Variants in CAND2 observed in about 807,000 individuals in gnomAD.
CAND2 encodes cullin associated and neddylation dissociated 2 (putative), also known as cullin-associated NEDD8-dissociated protein 2.
In CAND2, 62 loss-of-function variants were observed where a neutral mutation model predicts 98.9. The observed-to-expected ratio is 0.63, with a 90% CI of 0.51 to 0.77. The LOEUF is 0.77. CAND2 is among the 30% of genes least tolerant of loss of function. The pLI is 0.00. For missense variants in CAND2, 1,501 were observed against 1,655.2 expected (o/e 0.91, Z 1.62); for synonymous variants, 770 against 731.9 (o/e 1.05, Z -0.84).
rs749304857 is a variant in CAND2, at chr3:12,810,299, C to T, written c.732C>T (p.Val244=). The T allele has an allele frequency of 7.5e-6, 11 of 1,464,144 alleles. No homozygotes were observed. The South Asian group carries it at 1.2e-4, about 16-fold the overall frequency. 90.7% of individuals were successfully genotyped at this position (1,464,144 alleles called of 1,614,324 possible). A position where few individuals can be genotyped will look rare whatever the true frequency, so the allele number is the denominator to read the frequency against. Residue 244 remains valine (V), a synonymous_variant, in exon 5 of 15, where the codon GTC becomes GTT. Transcript: ENST00000456430. ...IRTLIQCLGS[V]GRQAGHRLGA... ...CCCTGATCCAATGTTTGGGCAGCGT[C>T]GGCCGCCAGGCCGGCCACCGCCTCG...
intron 11 of CAND2, among the ~76,000 whole-genome samples, chr3:12,822,527 A>G (rs1427192694): frequency 6.6e-6 from 1 of 152,032 alleles, no homozygotes; most frequent in Non-Finnish European, 1.5e-5. Context: ...TCGAACTCCT[A>G]GGCTTAAGTG....
intron 1 of CAND2, among the ~76,000 whole-genome samples, chr3:12,800,388 G>T (rs956756426): frequency 6.6e-6 from 1 of 152,228 alleles, no homozygotes; most frequent in South Asian, 2.1e-4. Flanking sequence ...GGAGGCGGGG[G>T]TCAGGGCTCT....
intron 1 of CAND2, among the ~76,000 whole-genome samples, chr3:12,801,607 C>G (rs371682757): frequency 6.6e-6 from 1 of 152,320 alleles, no homozygotes; most frequent in African/African-American, 2.4e-5. Flanking sequence ...CTTTTGGTGT[C>G]AGGCCCCATG....
rs1394293898 is a variant in CAND2 at position 12,803,483 on chromosome 3, T to C, written c.69-5T>C. 13 of 1,602,418 alleles carry C rather than the reference T, an allele frequency of 8.1e-6. No individual in the cohort carries two copies. The highest frequency in any genetic ancestry group is 1.3e-5 in the African/African-American group (1 of 74,794). ...TCAGCAATCTCCTCCACCCTCCCTG[T>C]GCAGGTTCATGGCCACCAGCGACCT... On this transcript the variant is annotated splice_polypyrimidine_tract_variant and splice_region_variant and intron_variant, in intron 1 of 14. Coordinates refer to ENST00000456430, the MANE Select transcript of CAND2 (RefSeq NM_001162499.2).
At chr3:12,820,974 C>T (rs1225248345) in intron 11 of CAND2, among the ~76,000 whole-genome samples, 1 of 152,208 alleles carries the variant, frequency 6.6e-6, no homozygotes, top group Non-Finnish European at 1.5e-5. Context: ...TGGCTCTCGC[C>T]TGTAATCCCA....
rs762234384 is a variant in CAND2, at chr3:12,833,999, G to A, written c.*17G>A. On this transcript the variant is annotated 3_prime_UTR_variant, in exon 15 of 15. Coordinates refer to ENST00000456430, the MANE Select transcript of CAND2 (RefSeq NM_001162499.2). ...CTCAGCTAGTCCCCTCAGCACCAAG[G>A]TGGGCCCTCGCTTAAGAGAAAGGAG... 1.2e-6 allele frequency: 2 copies of A among 1,606,354 alleles called. No homozygotes were observed. The highest frequency in any genetic ancestry group is 4.5e-5 in the East Asian group (2 of 44,832).
chr3:12,814,404 G>T (rs77142072), intron 7 of CAND2, among the ~76,000 whole-genome samples: 1 of 152,158 alleles, frequency 6.6e-6, no homozygotes, highest in African/African-American at 2.4e-5. Flanking sequence ...AGTCTCACCC[G>T]CTCTGAGTCT....
At chr3:12,805,396 C>T (rs1458027888) in intron 2 of CAND2, among the ~76,000 whole-genome samples, 1 of 151,830 alleles carries the variant, frequency 6.6e-6, no homozygotes. Flanking sequence ...CAAGCGATTC[C>T]CATGTCTCAG....
intron 11 of CAND2, among the ~76,000 whole-genome samples, chr3:12,821,893 T>A (rs1350544011): frequency 2.0e-5 from 3 of 152,226 alleles, no homozygotes. Context: ...GATACCGCCA[T>A]GGTTTCTCTC....
intron 14 of CAND2, among the ~76,000 whole-genome samples, chr3:12,833,142 A>G (rs1197192144): frequency 6.6e-6 from 1 of 152,236 alleles, no homozygotes; most frequent in Non-Finnish European, 1.5e-5. Flanking sequence ...CTTTAGGAAG[A>G]GCCCAGCATA....
chr3:12,818,505 C>T (rs993188416), intron 10 of CAND2, among the ~76,000 whole-genome samples: 11 of 152,162 alleles, frequency 7.2e-5, no homozygotes, highest in South Asian at 4.1e-4. Flanking sequence ...GAGGGGCAGG[C>T]GTTTTGGCTT....
At chr3:12,828,440 C>T (rs866695944) in intron 13 of CAND2, among the ~76,000 whole-genome samples, 11 of 149,436 alleles carry the variant, frequency 7.4e-5, no homozygotes, top group African/African-American at 9.9e-5. Flanking sequence ...CAGGTTCAAG[C>T]GATTCTCCTG....
Position 12,810,223 on chromosome 3 carries a change from T to TGGACCGTA in CAND2, c.662_663insTAGGACCG (p.Leu222ArgfsTer19). The TGGACCGTA allele has an allele frequency of 6.5e-7, 1 of 1,539,594 alleles. No individual in the cohort carries two copies. Among genetic ancestry groups the TGGACCGTA allele is most frequent in the South Asian group, 1.2e-5 (1 of 83,102 alleles). On this transcript the variant is annotated frameshift_variant, in exon 5 of 15. Transcript: ENST00000456430. LOFTEE classifies it high-confidence loss of function. ...TTCGTCGAGCTCGCTGACCACCTAC[T>TGGACCGTA]GGACCGGCTGCCCGGCCCGCGGGTG...
At position 12,796,754 on chromosome 3, in the gene CAND2, C is replaced by CT. The variant is rs1344731702; in HGVS notation, c.35dup (p.Glu13GlyfsTer51). On this transcript the variant is annotated frameshift_variant, in exon 1 of 15. Coordinates refer to ENST00000456430, the MANE Select transcript of CAND2 (RefSeq NM_001162499.2). LOFTEE classifies it high-confidence loss of function. Reference sequence around the variant, plus strand: ...CGCCGCCTTCCACATCTCCAGCCTCCTGGAGAAGATGACGTCCAGCGACAA... The same window carrying CT: ...CGCCGCCTTCCACATCTCCAGCCTCCTTGGAGAAGATGACGTCCAGCGACAA... The CT allele has an allele frequency of 2.5e-6, 4 of 1,590,498 alleles. No homozygotes were observed. The highest frequency in any genetic ancestry group is 1.3e-5 in the African/African-American group (1 of 74,600).
rs1260910066 is a variant in CAND2, at chr3:12,813,102, A to G, written c.863+7A>G. Reference sequence around the variant, plus strand: ...TTGAGGCCTTCTTGAGGAAGTATGTATGGTGGGGTTGCCTGGGGATCCCTT... The same window carrying G: ...TTGAGGCCTTCTTGAGGAAGTATGTGTGGTGGGGTTGCCTGGGGATCCCTT... On this transcript the variant is annotated splice_region_variant and intron_variant, in intron 6 of 14. Coordinates refer to ENST00000456430, the MANE Select transcript of CAND2 (RefSeq NM_001162499.2). 20 of 1,572,778 alleles carry G rather than the reference A, an allele frequency of 1.3e-5. No individual in the cohort carries two copies. Among genetic ancestry groups the G allele is most frequent in the Middle Eastern group, 1.8e-4 (1 of 5,638 alleles).
At chr3:12,820,055 C>T (rs1380813583) in intron 10 of CAND2, 31 bp from the exon 11 acceptor site, 4 of 1,587,270 alleles carry the variant, frequency 2.5e-6, no homozygotes, top group South Asian at 1.1e-5. Context: ...GGCCCCTGCC[C>T]CTCACTAACT....
At position 12,808,238 on chromosome 3, in the gene CAND2, G is replaced by A; in HGVS notation, c.396G>A (p.Arg132=). 1 of 1,551,360 alleles carries A rather than the reference G, an allele frequency of 6.4e-7. No homozygotes were observed. Among genetic ancestry groups the A allele is most frequent in the Non-Finnish European group, 8.7e-7 (1 of 1,147,000 alleles). Residue 132 remains arginine, a synonymous_variant, in exon 4 of 15, where the codon CGG becomes CGA. Coordinates refer to ENST00000456430, the MANE Select transcript of CAND2 (RefSeq NM_001162499.2). ...TGSGLATNVC[R]KITGQLTSAI... ...CCGGGCTGGCCACCAACGTGTGCCGGAAGATCACAGGCCAGCTCACCAGTG... is the reference window on the plus strand; with the variant it reads ...CCGGGCTGGCCACCAACGTGTGCCGAAAGATCACAGGCCAGCTCACCAGTG...
In CAND2 at chr3:12,810,245, G is replaced by T; in HGVS notation, c.678G>T (p.Arg226=). ...DHLLDRLPGP[R]VPTSPTAIRT... ...TACTGGACCGGCTGCCCGGCCCGCG[G>T]GTGCCCACCAGCCCGACTGCCATCC... The change falls in exon 5 of 15, where the codon CGG becomes CGT. Residue 226 remains arginine, a synonymous_variant. Transcript: ENST00000456430. 1 of 1,527,252 alleles carries T rather than the reference G, an allele frequency of 6.5e-7. No homozygotes were observed. 94.6% of individuals were successfully genotyped at this position (1,527,252 alleles called of 1,614,324 possible).
At chr3:12,826,436 GTTTT>G (rs11356582) in intron 12 of CAND2, among the ~76,000 whole-genome samples, 1 of 151,294 alleles carries the variant, frequency 6.6e-6, no homozygotes, top group African/African-American at 2.4e-5. Context: ...CTTTTTTGTT[GTTTT>G]TTTTTGAGAC....
Sources: allele counts gnomAD v4.1 joint callset (sites outside exome capture counted in the v4.1 genomes callset), GRCh38; gene constraint gnomAD v4.1.1; transcripts MANE v1.5; gene names NCBI Gene and HGNC (gene_info 2026-07-23, HGNC 2026-07-21).